The following NRXN3 variants were observed in gnomAD, a reference collection of about 807,000 sequenced individuals.
NRXN3 encodes neurexin 3, also known as neurexin III.
NRXN3 carries 32 observed loss-of-function variants against 137.6 expected under a neutral mutation model. The ratio of observed to expected loss-of-function variants is 0.23; its 90% CI spans 0.18 to 0.31. The LOEUF is 0.31. Ranked by LOEUF, NRXN3 falls within the 10% of genes least tolerant of loss-of-function variation. NRXN3 has a pLI of 1.00. For synonymous variants in NRXN3, 798 were observed against 784.5 expected, an observed-to-expected ratio of 1.02 and a Z score of -0.29; for missense variants, 1,574 against 2,062.5, an observed-to-expected ratio of 0.76 and a Z score of 4.59.
chr14:79,308,225 C>T (rs1285022672), intron 15 of NRXN3, among the ~76,000 whole-genome samples: 3 of 152,108 alleles, frequency 2.0e-5, no homozygotes, highest in Non-Finnish European at 2.9e-5. Context: ...TAATTTGGCT[C>T]ATAATACCAT....
intron 4 of NRXN3, chr14:78,403,720 G>T: frequency 3.0e-6 from 3 of 985,464 alleles, no homozygotes; most frequent in Non-Finnish European, 3.6e-6. Flanking sequence ...GTAGGTGTTA[G>T]TGAGATTATC....
At chr14:78,896,271 T>A (rs531723951) in intron 10 of NRXN3, among the ~76,000 whole-genome samples, 102 of 152,038 alleles carry the variant, frequency 6.7e-4, no homozygotes, top group Middle Eastern at 3.4e-3. Context: ...TAAACTAATA[T>A]GAAATTATAT....
At chr14:79,435,446 C>T (rs1039534004) in intron 15 of NRXN3, among the ~76,000 whole-genome samples, 3 of 151,980 alleles carry the variant, frequency 2.0e-5, no homozygotes, top group African/African-American at 7.3e-5. Context: ...TGTTGTGGGA[C>T]AGAATCTCAC....
At chr14:78,845,373 A>C (rs1321216570) in intron 10 of NRXN3, among the ~76,000 whole-genome samples, 3 of 152,100 alleles carry the variant, frequency 2.0e-5, no homozygotes, top group African/African-American at 7.2e-5. Context: ...ATAACAACGT[A>C]ATTTAAGGCA....
intron 4 of NRXN3, among the ~76,000 whole-genome samples, chr14:78,333,046 T>C (rs1438780248): frequency 2.0e-5 from 3 of 152,252 alleles, no homozygotes; most frequent in Non-Finnish European, 4.4e-5. Flanking sequence ...TTTACTGTGC[T>C]GGGCCTTTCC....
intron 4 of NRXN3, among the ~76,000 whole-genome samples, chr14:78,478,914 CTT>C (rs1291325758): frequency 6.6e-6 from 1 of 152,048 alleles, no homozygotes; most frequent in Non-Finnish European, 1.5e-5. Context: ...AGATGTGTCT[CTT>C]TTTTTTCCAT....
chr14:79,520,039 G>A (rs1351266668), intron 16 of NRXN3, among the ~76,000 whole-genome samples: 2 of 149,570 alleles, frequency 1.3e-5, no homozygotes, highest in East Asian at 1.9e-4. Flanking sequence ...TAACTCTTAA[G>A]TTTTCTGTTT....
At chr14:78,607,739 A>G (rs561432057) in intron 4 of NRXN3, among the ~76,000 whole-genome samples, 14 of 152,304 alleles carry the variant, frequency 9.2e-5, no homozygotes, top group Middle Eastern at 6.8e-3. Flanking sequence ...CTATGTTGCT[A>G]TTCTCCACGA....
chr14:79,199,044 G>A (rs1332873627), intron 15 of NRXN3, among the ~76,000 whole-genome samples: 2 of 152,054 alleles, frequency 1.3e-5, no homozygotes, highest in Non-Finnish European at 2.9e-5. Flanking sequence ...ACATGCGCCT[G>A]TAGTCCCAGC....
At chr14:78,931,956 G>A (rs966056703) in intron 10 of NRXN3, among the ~76,000 whole-genome samples, 5 of 152,020 alleles carry the variant, frequency 3.3e-5, no homozygotes, top group East Asian at 1.9e-4. Flanking sequence ...AGACCAGTCC[G>A]GCCAACGTGG....
chr14:79,365,368 T>C (rs2093840643), intron 15 of NRXN3, among the ~76,000 whole-genome samples: 1 of 152,166 alleles, frequency 6.6e-6, no homozygotes, highest in Non-Finnish European at 1.5e-5. Flanking sequence ...ATTTATTTGC[T>C]GAGTCATTAA....
At chr14:78,993,046 A>G (rs942094151) in intron 15 of NRXN3, among the ~76,000 whole-genome samples, 2 of 152,158 alleles carry the variant, frequency 1.3e-5, no homozygotes, top group Non-Finnish European at 2.9e-5. Flanking sequence ...ATGTGGTAAT[A>G]GATGTTCTTT....
intron 20 of NRXN3, chr14:79,854,191 C>CA (rs2099397631): frequency 3.1e-6 from 3 of 973,918 alleles, no homozygotes; most frequent in Non-Finnish European, 2.4e-6. Flanking sequence ...TCTTTCATGC[C>CA]AAAAAACATG....
intron 4 of NRXN3, among the ~76,000 whole-genome samples, chr14:78,577,711 C>T (rs1486220334): frequency 1.3e-5 from 2 of 152,094 alleles, no homozygotes; most frequent in African/African-American, 4.8e-5. Context: ...GTGATCCACC[C>T]GCCTCGGCCT....
intron 20 of NRXN3, among the ~76,000 whole-genome samples, chr14:79,829,367 T>A (rs887744381): frequency 6.6e-6 from 1 of 152,240 alleles, no homozygotes; most frequent in Non-Finnish European, 1.5e-5. Context: ...TTGGAACATA[T>A]GTATTCCTTC....
At chr14:78,659,129 C>A (rs961130502) in intron 6 of NRXN3, among the ~76,000 whole-genome samples, 2 of 151,790 alleles carry the variant, frequency 1.3e-5, no homozygotes, top group African/African-American at 4.8e-5. Context: ...TGATTGGTGT[C>A]GTTATAAGAA....
chr14:78,253,072 C>A (rs1273263284), intron 2 of NRXN3, among the ~76,000 whole-genome samples: 10 of 151,588 alleles, frequency 6.6e-5, no homozygotes. Context: ...GCACTGAGCT[C>A]TGACCTGTGG....
chr14:79,055,372 C>A (rs571242702), intron 15 of NRXN3, among the ~76,000 whole-genome samples: 1 of 152,218 alleles, frequency 6.6e-6, no homozygotes, highest in African/African-American at 2.4e-5. Context: ...TAATATTACT[C>A]CGACTGTACA....
At chr14:79,566,832 G>A (rs1017957489) in intron 16 of NRXN3, among the ~76,000 whole-genome samples, 1 of 152,084 alleles carries the variant, frequency 6.6e-6, no homozygotes, top group Non-Finnish European at 1.5e-5. Flanking sequence ...TGTCTGATAA[G>A]TTAGTTATCA....
Sources: gnomAD v4.1 joint callset for allele counts (sites outside exome capture counted in the v4.1 genomes callset) on GRCh38, gnomAD v4.1.1 for gene constraint, MANE v1.5 for transcripts, NCBI Gene and HGNC (gene_info 2026-07-23, HGNC 2026-07-21) for gene names.